Variants in GLIS3 observed in about 807,000 individuals in gnomAD.
The protein encoded by GLIS3 is zinc finger protein GLIS3.
GLIS3 carries 53 observed loss-of-function variants against 78.6 expected under a neutral mutation model. The observed-to-expected ratio is 0.67, with a 90% confidence interval of 0.54 to 0.85. GLIS3 has a LOEUF of 0.85. Among genes scored for constraint, GLIS3 ranks in the 40% least tolerant of loss-of-function variants. The pLI, the probability that GLIS3 is intolerant of heterozygous loss-of-function variation, is 0.00. For synonymous variants in GLIS3, 684 were observed against 509.9 expected, an observed-to-expected ratio of 1.34 and a Z score of -4.60; for missense variants, 1,703 against 1,231.1, an observed-to-expected ratio of 1.38 and a Z score of -5.74.
chr9:3,889,278 T>C (rs1484620505), intron 7 of GLIS3, among the ~76,000 whole-genome samples: 1 of 152,192 alleles, frequency 6.6e-6, no homozygotes, highest in East Asian at 1.9e-4. Flanking sequence ...AGGTGTCTTC[T>C]TGCAATTTGT....
At chr9:4,135,020 T>C (rs924519859) in intron 2 of GLIS3, among the ~76,000 whole-genome samples, 1 of 151,646 alleles carries the variant, frequency 6.6e-6, no homozygotes, top group African/African-American at 2.4e-5. Context: ...ACATCCTCTA[T>C]CAGAAAAAAA....
intron 4 of GLIS3, among the ~76,000 whole-genome samples, chr9:4,057,721 G>C (rs910573024): frequency 6.6e-6 from 1 of 151,292 alleles, no homozygotes; most frequent in Non-Finnish European, 1.5e-5. Flanking sequence ...AAAAAAAATA[G>C]TTTACTCAAC....
chr9:4,440,522 T>A, the GLIS3 span, among the ~76,000 whole-genome samples: 3 of 152,356 alleles, frequency 2.0e-5, no homozygotes, highest in African/African-American at 7.2e-5. Context: ...GGGCTCTCTA[T>A]TCTGTTCCAT....
At chr9:4,368,477 C>A in the GLIS3 span, among the ~76,000 whole-genome samples, 1 of 151,938 alleles carries the variant, frequency 6.6e-6, no homozygotes, top group Non-Finnish European at 1.5e-5. Context: ...CCCAAGTAGC[C>A]GGGACTACAG....
At position 4,331,035 on chromosome 9, in the gene GLIS3, G is replaced by A. The variant is rs79737827; in HGVS notation, n.264+16046C>T. Among the ~76,000 whole-genome samples, 258 of 152,282 alleles carry A rather than the reference G, an allele frequency of 1.7e-3. 4 individuals carry two copies. The East Asian group carries it at 0.045, about 26-fold the overall frequency. Reference sequence around the variant, plus strand: ...GGAGCAAACAGGCCCATCTTGCCCTGAGCCATCTGTATTTGTTTCCTAAGG... The same window carrying A: ...GGAGCAAACAGGCCCATCTTGCCCTAAGCCATCTGTATTTGTTTCCTAAGG... On this transcript the variant is annotated intron_variant and non_coding_transcript_variant, in intron 2 of 4. Coordinates refer to the GLIS3 transcript ENST00000471664.
intron 2 of GLIS3, among the ~76,000 whole-genome samples, chr9:4,339,596 G>A (rs956225362): frequency 6.6e-6 from 1 of 150,478 alleles, no homozygotes; most frequent in East Asian, 2.0e-4. Context: ...TCTGTGATCC[G>A]TCTCTGTTGT....
the GLIS3 span, among the ~76,000 whole-genome samples, chr9:4,446,323 G>A: frequency 1.3e-5 from 2 of 152,078 alleles, no homozygotes; most frequent in African/African-American, 2.4e-5. Context: ...GCAGCCAGAG[G>A]CACCATCGAT....
intron 1 of GLIS3, among the ~76,000 whole-genome samples, chr9:4,295,396 T>C (rs1183937920): frequency 2.0e-5 from 3 of 152,160 alleles, no homozygotes; most frequent in African/African-American, 4.8e-5. Context: ...CTTAATTCTA[T>C]CATATTAAGT....
intron 4 of GLIS3, among the ~76,000 whole-genome samples, chr9:4,059,411 C>T (rs924007435): frequency 1.5e-4 from 23 of 152,338 alleles, no homozygotes; most frequent in African/African-American, 5.5e-4. Flanking sequence ...CTACAGAAAA[C>T]TGCCAGAGTG....
At position 3,841,209 on chromosome 9, in the gene GLIS3, G is replaced by A. The variant is rs921671133; in HGVS notation, c.2474-11717C>T. The stretch of plus-strand genomic sequence containing the variant: ...TTCCAAATTCTCAAAATGATAAGCT[G>A]CCAAAGTAAACTAATTGCAGTGTGT... On this transcript the variant is annotated intron_variant, in intron 9 of 10. Coordinates refer to ENST00000381971, the MANE Select transcript of GLIS3 (RefSeq NM_001042413.2). Among the ~76,000 whole-genome samples the A allele has an allele frequency of 2.6e-5, 4 of 152,162 alleles. No homozygotes were observed. In the East Asian group the frequency reaches 7.7e-4, roughly 29 times the overall value.
chr9:3,899,804 A>AAGTT (rs1440475095), intron 6 of GLIS3, among the ~76,000 whole-genome samples: 23 of 152,220 alleles, frequency 1.5e-4, no homozygotes, highest in African/African-American at 5.3e-4. Context: ...GCTTTTGTCA[A>AAGTT]AGTTAGACTC....
intron 4 of GLIS3, among the ~76,000 whole-genome samples, chr9:4,060,486 T>C (rs1461793103): frequency 2.6e-5 from 4 of 152,216 alleles, no homozygotes; most frequent in African/African-American, 7.2e-5. Context: ...TCTTAAGAGG[T>C]AGAGCCTTAA....
intron 2 of GLIS3, among the ~76,000 whole-genome samples, chr9:4,191,334 G>T (rs192468470): frequency 6.6e-6 from 1 of 152,140 alleles, no homozygotes; most frequent in Non-Finnish European, 1.5e-5. Flanking sequence ...TTTCAACTGA[G>T]CATTTTAGAG....
In GLIS3 at chr9:3,991,894, A is replaced by T. The variant is rs145723752; in HGVS notation, c.1711-54705T>A. ...TTTAGTAGAGACGGGGTTTCACCGT[A>T]TTGGCCAGGACAGTCTTGATCTCCT... On this transcript the variant is annotated intron_variant, in intron 4 of 10. Transcript: ENST00000381971. 1.1e-4 allele frequency among the ~76,000 whole-genome samples: 17 copies of T among 151,832 alleles called. No homozygotes were observed. In the East Asian group the frequency reaches 2.5e-3, roughly 23 times the overall value.
intron 4 of GLIS3, among the ~76,000 whole-genome samples, chr9:3,944,058 TAC>T (rs1472641733): frequency 6.6e-6 from 1 of 152,186 alleles, no homozygotes; most frequent in Non-Finnish European, 1.5e-5. Context: ...GGACAGTACA[TAC>T]ACGTTTCTTA....
In GLIS3 at chr9:4,300,019, G is replaced by C. The variant is rs946503052; in HGVS notation, c.-697C>G. The C allele has an allele frequency of 6.6e-6, 1 of 152,414 alleles. No homozygotes were observed. Among genetic ancestry groups the C allele is most frequent in the Non-Finnish European group, 1.5e-5 (1 of 68,202 alleles). 9.4% of individuals were successfully genotyped at this position (152,414 alleles called of 1,614,324 possible). A position where few individuals can be genotyped will look rare whatever the true frequency, so the allele number is the denominator to read the frequency against. ...GACGCGGCTGCAGGGAGAGGGGAAG[G>C]GGGAAGAGGGAGGGAGGAAGGCAGC... On this transcript the variant is annotated 5_prime_UTR_variant, in exon 1 of 11. Transcript: ENST00000381971.
chr9:4,316,661 G>C (rs1277191578), intron 2 of GLIS3, among the ~76,000 whole-genome samples: 1 of 152,174 alleles, frequency 6.6e-6, no homozygotes, highest in Non-Finnish European at 1.5e-5. Flanking sequence ...GCATGTGTGT[G>C]AGTGTGCCCT....
intron 6 of GLIS3, among the ~76,000 whole-genome samples, chr9:3,902,880 C>T (rs1823416766): frequency 6.6e-6 from 1 of 151,960 alleles, no homozygotes; most frequent in Non-Finnish European, 1.5e-5. Flanking sequence ...TCAACTGTGA[C>T]GAATAAAGAT....
intron 6 of GLIS3, among the ~76,000 whole-genome samples, chr9:3,902,692 G>A (rs1470483544): frequency 6.6e-6 from 1 of 152,150 alleles, no homozygotes; most frequent in Non-Finnish European, 1.5e-5. Flanking sequence ...AGGTGATGAT[G>A]CTTCTACTGG....
Sources: allele counts gnomAD v4.1 joint callset (sites outside exome capture counted in the v4.1 genomes callset), GRCh38; gene constraint gnomAD v4.1.1; transcripts MANE v1.5; gene names NCBI Gene and HGNC (gene_info 2026-07-23, HGNC 2026-07-21).